TENM3: variants seen among roughly 807,000 people sequenced by gnomAD.
TENM3 encodes the protein teneurin transmembrane protein 3, also known as teneurin-3.
In TENM3, 63 loss-of-function variants were observed where a neutral mutation model predicts 255.1. The ratio of observed to expected loss-of-function variants is 0.25; its 90% CI spans 0.20 to 0.30. The LOEUF (loss-of-function observed/expected upper bound fraction) is 0.30. TENM3 is among the 10% of genes least tolerant of loss of function. The pLI, the probability that TENM3 is intolerant of heterozygous loss-of-function variation, is 1.00. For missense variants in TENM3, 2,929 were observed against 3,461.1 expected, an observed-to-expected ratio of 0.85 and a Z score of 3.86; for synonymous variants, 1,306 against 1,322.3, an observed-to-expected ratio of 0.99 and a Z score of 0.27.
chr4:181,687,565 C>CA, the TENM3 span, among the ~76,000 whole-genome samples: 1 of 152,140 alleles, frequency 6.6e-6, no homozygotes, highest in Admixed American at 6.6e-5. Flanking sequence ...TATATCCAGG[C>CA]ATTGTTGGTG....
the TENM3 span, among the ~76,000 whole-genome samples, chr4:181,714,378 G>A: frequency 1.3e-5 from 2 of 152,210 alleles, no homozygotes; most frequent in African/African-American, 4.8e-5. Flanking sequence ...GGGAGGTGGA[G>A]GCTGCAATGA....
chr4:181,700,899 T>C, the TENM3 span, among the ~76,000 whole-genome samples: 1 of 152,320 alleles, frequency 6.6e-6, no homozygotes, highest in South Asian at 2.1e-4. Context: ...GAACTTCGAT[T>C]TCAATTTTTT....
At chr4:181,802,893 C>T in the TENM3 span, among the ~76,000 whole-genome samples, 9 of 152,216 alleles carry the variant, frequency 5.9e-5, no homozygotes, top group East Asian at 1.7e-3. Context: ...ACTTTGATTA[C>T]TCCTGATATT....
At chr4:182,258,440 A>T (rs368601033) in intron 1 of TENM3, among the ~76,000 whole-genome samples, 8 of 152,230 alleles carry the variant, frequency 5.3e-5, no homozygotes, top group African/African-American at 1.9e-4. Flanking sequence ...ATGTCAGTAC[A>T]TACAAACGCT....
chr4:181,581,220 C>T, the TENM3 span, among the ~76,000 whole-genome samples: 1 of 152,154 alleles, frequency 6.6e-6, no homozygotes, highest in Non-Finnish European at 1.5e-5. Context: ...GCTGGTGGAT[C>T]GCTTGAGCTC....
At chr4:182,343,297 G>T (rs763840139) in intron 2 of TENM3, among the ~76,000 whole-genome samples, 17 of 152,114 alleles carry the variant, frequency 1.1e-4, no homozygotes, top group Non-Finnish European at 2.2e-4. Context: ...GGAAACTCTT[G>T]TTGGCTCTGC....
the TENM3 span, among the ~76,000 whole-genome samples, chr4:182,054,937 C>G: frequency 1.3e-5 from 2 of 152,126 alleles, no homozygotes; most frequent in African/African-American, 4.8e-5. Context: ...CATTCCAGAA[C>G]CAGAGCTCGG....
the TENM3 span, among the ~76,000 whole-genome samples, chr4:181,830,534 A>G: frequency 6.6e-6 from 1 of 152,108 alleles, no homozygotes; most frequent in African/African-American, 2.4e-5. Flanking sequence ...CAGCCTCCCA[A>G]GGTGCTGAGA....
chr4:181,524,230 G>A, the TENM3 span, among the ~76,000 whole-genome samples: 2 of 152,142 alleles, frequency 1.3e-5, no homozygotes, highest in Admixed American at 6.5e-5. Context: ...AAATGTGGAT[G>A]GGACAATGAC....
intron 3 of TENM3, among the ~76,000 whole-genome samples, chr4:182,562,815 C>T (rs1158606667): frequency 6.6e-6 from 1 of 152,164 alleles, no homozygotes; most frequent in Non-Finnish European, 1.5e-5. Flanking sequence ...TTCTCTTCTG[C>T]TCCAGTCATG....
the TENM3 span, among the ~76,000 whole-genome samples, chr4:181,664,334 G>C: frequency 2.0e-5 from 3 of 152,042 alleles, no homozygotes; most frequent in Non-Finnish European, 4.4e-5. Flanking sequence ...GCTGGGTGTC[G>C]TGGTGGTCAC....
At chr4:182,139,633 C>T (rs1227715976), upstream of TENM3, among the ~76,000 whole-genome samples, 1 of 152,228 alleles carries the variant, frequency 6.6e-6, no homozygotes, top group African/African-American at 2.4e-5. Context: ...CCAACTTTCA[C>T]TGTGGAATAA....
chr4:182,780,807 TGTTTGAAGCAATTGTGAATGGGA>T, intron 24 of TENM3, among the ~76,000 whole-genome samples: 1 of 151,998 alleles, frequency 6.6e-6, no homozygotes, highest in South Asian at 2.1e-4. Context: ...TATTTTATTC[TGTTTGAAGCAATTGTGAATGGGA>T]GTTCACTCCT....
the TENM3 span, among the ~76,000 whole-genome samples, chr4:181,925,252 A>G: frequency 2.0e-5 from 3 of 152,354 alleles, no homozygotes; most frequent in Non-Finnish European, 1.5e-5. Context: ...TTAGCAAAGT[A>G]TCATAGCAGA....
upstream of TENM3, chr4:182,142,560 C>T (rs555674492): frequency 1.4e-4 from 24 of 167,368 alleles, no homozygotes; most frequent in Middle Eastern, 3.4e-3. Flanking sequence ...GATTTCCTAA[C>T]GGCCGAGTAC....
chr4:181,547,360 C>G, the TENM3 span, among the ~76,000 whole-genome samples: 14,403 of 151,942 alleles, frequency 0.095, 891 homozygotes, highest in African/African-American at 0.16. Context: ...TCAGTAGTAA[C>G]ATAATCTATA....
chr4:182,459,358 T>C (rs1214395530), intron 3 of TENM3, among the ~76,000 whole-genome samples: 1 of 152,152 alleles, frequency 6.6e-6, no homozygotes, highest in Non-Finnish European at 1.5e-5. Context: ...CTGGAGTTTT[T>C]AAGAGTTGAG....
chr4:182,707,766 A>G (rs960464792), intron 12 of TENM3: 4 of 152,182 alleles, frequency 2.6e-5, no homozygotes, highest in African/African-American at 9.7e-5. Flanking sequence ...CTCATTTGTT[A>G]TGTTCCAGGG....
chr4:182,701,432 G>GGAT (rs1437926155), intron 12 of TENM3, among the ~76,000 whole-genome samples: 1 of 151,728 alleles, frequency 6.6e-6, no homozygotes, highest in Non-Finnish European at 1.5e-5. Flanking sequence ...GTGTTAGCCA[G>GGAT]GATGGTCTCA....
Sources: gnomAD v4.1 joint callset for allele counts (sites outside exome capture counted in the v4.1 genomes callset) on GRCh38, gnomAD v4.1.1 for gene constraint, MANE v1.5 for transcripts, NCBI Gene and HGNC (gene_info 2026-07-23, HGNC 2026-07-21) for gene names.